Variants in KIRREL3 observed in about 807,000 individuals in gnomAD.
The protein encoded by KIRREL3 is kirre like nephrin family adhesion molecule 3.
In KIRREL3, 36 loss-of-function variants were observed where a neutral mutation model predicts 89.7. The observed-to-expected ratio is 0.40, with a 90% confidence interval of 0.31 to 0.53. The LOEUF is 0.53. Ranked by LOEUF, KIRREL3 falls within the 20% of genes least tolerant of loss-of-function variation. The pLI is 0.49. For missense variants in KIRREL3, 864 were observed against 1,056.6 expected (o/e 0.82, Z 2.53); for synonymous variants, 445 against 441.4 (o/e 1.01, Z -0.10).
chr11:126,747,672 G>A lies in KIRREL3; in HGVS notation c.56-184760C>T, dbSNP rs1040184516. On this transcript the variant is annotated intron_variant, in intron 1 of 16. Transcript: ENST00000525144. This position sits in a 1 kb window ranked among gnomAD's most constrained non-coding sequence, Gnocchi z 4.7. ...CCTTGAGTTCCTTGAGACTAGAAAC[G>A]GTTTTATTTATTTTGGAATCTCAAA... is the stretch of plus-strand genomic sequence containing the variant. Among the ~76,000 whole-genome samples the A allele has an allele frequency of 1.3e-5, 2 of 151,958 alleles. No homozygotes were observed. The highest frequency in any genetic ancestry group is 2.4e-5 in the African/African-American group (1 of 41,352).
At chr11:126,741,368 T>C (rs1374771018) in intron 1 of KIRREL3, among the ~76,000 whole-genome samples, 3 of 152,244 alleles carry the variant, frequency 2.0e-5, no homozygotes, top group Admixed American at 2.0e-4. Flanking sequence ...TCTGTGTTTG[T>C]TCATAGTCTG....
rs760824453 is a variant in KIRREL3 at position 126,965,592 on chromosome 11, ATTGTC to A, written c.55+34858_55+34862del. Among the ~76,000 whole-genome samples the A allele has an allele frequency of 3.3e-5, 5 of 152,182 alleles. No individual in the cohort carries two copies. Among genetic ancestry groups the A allele is most frequent in the Non-Finnish European group, 7.3e-5 (5 of 68,032 alleles). On this transcript the variant is annotated intron_variant, in intron 1 of 16. Transcript: ENST00000525144. The surrounding 1 kb of genome is among the most constrained non-coding windows in gnomAD (Gnocchi z 4.4). ...CGGATCCAGTGATCCCTGCTTTTGC[ATTGTC>A]TCAAAACTGAGCTTTAAATATTATA...
intron 1 of KIRREL3, among the ~76,000 whole-genome samples, chr11:126,910,129 C>T (rs373685819): frequency 4.9e-4 from 75 of 152,220 alleles, no homozygotes; most frequent in Non-Finnish European, 9.1e-4. Context: ...TTTTGATTCT[C>T]TTGGACTATA....
In KIRREL3 at chr11:126,429,651, G is replaced by A. The variant is rs1044919224; in HGVS notation, c.1697-363C>T. 3.3e-5 allele frequency among the ~76,000 whole-genome samples: 5 copies of A among 152,154 alleles called. No homozygotes were observed. Among genetic ancestry groups the A allele is most frequent in the African/African-American group, 7.2e-5 (3 of 41,440 alleles). On this transcript the variant is annotated intron_variant, in intron 14 of 16. Transcript: ENST00000525144. The surrounding 1 kb of genome is among the most constrained non-coding windows in gnomAD (Gnocchi z 5.2). ...TCTTCTCTGACCTGCTCTACCAGGC[G>A]GGCTCCAATCCCTCCATTCATAGAA...
At position 126,541,046 on chromosome 11, in the gene KIRREL3, T is replaced by G. The variant is rs1938327272; in HGVS notation, c.134-14359A>C. Among the ~76,000 whole-genome samples the G allele has an allele frequency of 6.6e-6, 1 of 152,132 alleles. No individual in the cohort carries two copies. Among genetic ancestry groups the G allele is most frequent in the Non-Finnish European group, 1.5e-5 (1 of 68,018 alleles). Reference sequence around the variant, plus strand: ...CAAGAGGGAGCTGCAGGCTCGGCTATGGGCAGGCTCGGCTACAGCAGACAG... The same window carrying G: ...CAAGAGGGAGCTGCAGGCTCGGCTAGGGGCAGGCTCGGCTACAGCAGACAG... On this transcript the variant is annotated intron_variant, in intron 2 of 16. Transcript: ENST00000525144. This position sits in a 1 kb window ranked among gnomAD's most constrained non-coding sequence, Gnocchi z 4.8.
At position 126,431,072 on chromosome 11, in the gene KIRREL3, C is replaced by CT; in HGVS notation, c.1696+346dup. The CT allele has an allele frequency of 7.3e-7, 1 of 1,361,702 alleles. No homozygotes were observed. Among genetic ancestry groups the CT allele is most frequent in the Non-Finnish European group, 9.4e-7 (1 of 1,059,162 alleles). 84.4% of individuals were successfully genotyped at this position (1,361,702 alleles called of 1,614,324 possible). Reference sequence around the variant, plus strand: ...GTTGTAGAGATGGGGTCTCTCTAGACTAACAGCTCTTGTAGAGCAAGGATC... The same window carrying CT: ...GTTGTAGAGATGGGGTCTCTCTAGACTTAACAGCTCTTGTAGAGCAAGGATC... On this transcript the variant is annotated intron_variant, in intron 14 of 16. Coordinates refer to ENST00000525144, the MANE Select transcript of KIRREL3 (RefSeq NM_032531.4). The surrounding 1 kb of genome is among the most constrained non-coding windows in gnomAD (Gnocchi z 7.1).
chr11:126,619,105 G>A (rs553308046), intron 1 of KIRREL3, among the ~76,000 whole-genome samples: 51 of 152,358 alleles, frequency 3.3e-4, no homozygotes, highest in African/African-American at 1.2e-3. Context: ...GCGGTCTAGA[G>A]GGTGTCTGGC....
At chr11:126,632,680 T>TCTC (rs368274988) in intron 1 of KIRREL3, among the ~76,000 whole-genome samples, 2 of 6 alleles carry the variant, frequency 0.33, no homozygotes, top group Non-Finnish European at 0.5. Flanking sequence ...CTCATCCTCC[T>TCTC]TCCCTGCCAC....
At position 126,647,413 on chromosome 11, in the gene KIRREL3, C is replaced by G. The variant is rs1231115581; in HGVS notation, c.56-84501G>C. Among the ~76,000 whole-genome samples the G allele has an allele frequency of 6.6e-6, 1 of 152,136 alleles. No individual in the cohort carries two copies. The highest frequency in any genetic ancestry group is 1.5e-5 in the Non-Finnish European group (1 of 68,016). On this transcript the variant is annotated intron_variant, in intron 1 of 16. Coordinates refer to ENST00000525144, the MANE Select transcript of KIRREL3 (RefSeq NM_032531.4). The surrounding 1 kb of genome is among the most constrained non-coding windows in gnomAD (Gnocchi z 4.9). Reference sequence around the variant, plus strand: ...GAGACTGAGATATATGAGGTATACCCCTTTCCCTCTAATCAAATTCAACCC... The same window carrying G: ...GAGACTGAGATATATGAGGTATACCGCTTTCCCTCTAATCAAATTCAACCC...
At chr11:126,465,599 C>T (rs748869467) in intron 5 of KIRREL3, among the ~76,000 whole-genome samples, 2 of 152,230 alleles carry the variant, frequency 1.3e-5, no homozygotes, top group Non-Finnish European at 2.9e-5. Flanking sequence ...CTATATAGAA[C>T]AGCACATCTT....
rs1943190293 is a variant in KIRREL3, at chr11:126,612,845, C to T, written c.56-49933G>A. Among the ~76,000 whole-genome samples, 1 of 152,252 alleles carries T rather than the reference C, an allele frequency of 6.6e-6. No homozygotes were observed. The highest frequency in any genetic ancestry group is 2.4e-5 in the African/African-American group (1 of 41,468). On this transcript the variant is annotated intron_variant, in intron 1 of 16. Coordinates refer to ENST00000525144, the MANE Select transcript of KIRREL3 (RefSeq NM_032531.4). This position sits in a 1 kb window ranked among gnomAD's most constrained non-coding sequence, Gnocchi z 4.5. ...TTCCTTTGTATGGGTGAGTAACATT[C>T]CATGGCATAGCTATAAGCGCATTTT...
chr11:126,560,554 G>C (rs552676730), intron 2 of KIRREL3, among the ~76,000 whole-genome samples: 10 of 152,294 alleles, frequency 6.6e-5, no homozygotes, highest in African/African-American at 2.2e-4. Flanking sequence ...TTCTCAAGCT[G>C]TTATTTTTTG....
rs1013108336 is a variant in KIRREL3, at chr11:126,898,602, C to T, written c.55+101853G>A. On this transcript the variant is annotated intron_variant, in intron 1 of 16. Coordinates refer to ENST00000525144, the MANE Select transcript of KIRREL3 (RefSeq NM_032531.4). The surrounding 1 kb of genome is among the most constrained non-coding windows in gnomAD (Gnocchi z 4.9). Reference sequence around the variant, plus strand: ...AGCAGAAACAGAATTATATCTGTAGCACAATGTCCTTTAGGTAAATTAAAA... The same window carrying T: ...AGCAGAAACAGAATTATATCTGTAGTACAATGTCCTTTAGGTAAATTAAAA... 2.6e-5 allele frequency among the ~76,000 whole-genome samples: 4 copies of T among 152,128 alleles called. No individual in the cohort carries two copies. The highest frequency in any genetic ancestry group is 2.1e-4 in the South Asian group (1 of 4,826).
At chr11:126,437,349 C>T (rs1278776732) in intron 11 of KIRREL3, among the ~76,000 whole-genome samples, 1 of 152,008 alleles carries the variant, frequency 6.6e-6, no homozygotes, top group Non-Finnish European at 1.5e-5. Context: ...ACTACACACA[C>T]CACAAATGTG....
Position 126,696,469 on chromosome 11 carries a change from T to A in KIRREL3, c.56-133557A>T, listed in dbSNP as rs1331253445. ...CTTCTATGAGATACCACATGCAGCC[T>A]GCAAACTCCCACAGCTGTACGCAGG... On this transcript the variant is annotated intron_variant, in intron 1 of 16. Coordinates refer to ENST00000525144, the MANE Select transcript of KIRREL3 (RefSeq NM_032531.4). The surrounding 1 kb of genome is among the most constrained non-coding windows in gnomAD (Gnocchi z 4.4). Among the ~76,000 whole-genome samples, 1 of 152,138 alleles carries A rather than the reference T, an allele frequency of 6.6e-6. No homozygotes were observed. The highest frequency in any genetic ancestry group is 1.9e-4 in the East Asian group (1 of 5,192).
At chr11:126,681,499 G>A (rs1220030035) in intron 1 of KIRREL3, among the ~76,000 whole-genome samples, 3 of 152,160 alleles carry the variant, frequency 2.0e-5, no homozygotes, top group Admixed American at 6.5e-5. Flanking sequence ...ATGGAGGGAG[G>A]CAGTTTATGG....
chr11:126,981,267 T>C lies in KIRREL3; in HGVS notation c.55+19188A>G, dbSNP rs377625332. On this transcript the variant is annotated intron_variant, in intron 1 of 16. Coordinates refer to ENST00000525144, the MANE Select transcript of KIRREL3 (RefSeq NM_032531.4). The surrounding 1 kb of genome is among the most constrained non-coding windows in gnomAD (Gnocchi z 4.2). ...GCTATTCTATTTTATTTGTTCTTAG[T>C]GTTCAGCCTGGGACCTAGGCAGGCT... is the stretch of plus-strand genomic sequence containing the variant. Among the ~76,000 whole-genome samples the C allele has an allele frequency of 2.0e-4, 30 of 152,340 alleles. No individual in the cohort carries two copies. In the East Asian group the frequency reaches 4.2e-3, roughly 22 times the overall value.
intron 1 of KIRREL3, among the ~76,000 whole-genome samples, chr11:126,617,434 T>G (rs1943399085): frequency 6.6e-6 from 1 of 152,240 alleles, no homozygotes; most frequent in Non-Finnish European, 1.5e-5. Flanking sequence ...GGTTGGACAT[T>G]CATTTTGATT....
rs2134565375 is a variant in KIRREL3, at chr11:126,557,885, CCCCTTCCTGGGTGCTCCAG to C, written c.133+4931_133+4949del. 6.6e-6 allele frequency among the ~76,000 whole-genome samples: 1 copy of C among 152,324 alleles called. No individual in the cohort carries two copies. Among genetic ancestry groups the C allele is most frequent in the East Asian group, 1.9e-4 (1 of 5,176 alleles). On this transcript the variant is annotated intron_variant, in intron 2 of 16. Coordinates refer to ENST00000525144, the MANE Select transcript of KIRREL3 (RefSeq NM_032531.4). This position sits in a 1 kb window ranked among gnomAD's most constrained non-coding sequence, Gnocchi z 5.6. ...GCTAGTTATTTATGGAACCAGCTTT[CCCCTTCCTGGGTGCTCCAG>C]CTCTTCCCACACAGGGTAGAGGTCT...
Sources: gnomAD v4.1 joint callset for allele counts (sites outside exome capture counted in the v4.1 genomes callset) on GRCh38, gnomAD v4.1.1 for gene constraint, Gnocchi (gnomAD v3.1) non-coding constraint, MANE v1.5 for transcripts, NCBI Gene and HGNC (gene_info 2026-07-23, HGNC 2026-07-21) for gene names.